DST: variants seen among roughly 807,000 people sequenced by gnomAD.
DST encodes bullous pemphigoid antigen.
In DST, 253 loss-of-function variants were observed where a neutral mutation model predicts 875.2. That is an observed-to-expected ratio of 0.29 (90% confidence interval 0.26 to 0.32). The LOEUF is 0.32. Ranked by LOEUF, DST falls within the 10% of genes least tolerant of loss-of-function variation. DST has a pLI of 1.00. For synonymous variants in DST, 3,124 were observed against 3,197.1 expected, an observed-to-expected ratio of 0.98 and a Z score of 0.77; for missense variants, 8,287 against 9,111.6, an observed-to-expected ratio of 0.91 and a Z score of 3.68.
At chr6:56,771,691 A>T (rs906162134) in intron 4 of DST, among the ~76,000 whole-genome samples, 1 of 152,194 alleles carries the variant, frequency 6.6e-6, no homozygotes, top group Non-Finnish European at 1.5e-5. Flanking sequence ...AGCAAAATCA[A>T]TCACAACTAC....
At chr6:56,720,813 T>C (rs761981710) in intron 5 of DST, among the ~76,000 whole-genome samples, 22 of 152,176 alleles carry the variant, frequency 1.4e-4, no homozygotes, top group Non-Finnish European at 3.2e-4. Context: ...TTCCCCCTTT[T>C]CTATTGGACA....
intron 4 of DST, among the ~76,000 whole-genome samples, chr6:56,775,695 G>A (rs373590294): frequency 2.0e-5 from 3 of 152,114 alleles, no homozygotes; most frequent in South Asian, 2.1e-4. Flanking sequence ...GGAGCATAGC[G>A]AAAGCACACA....
chr6:56,574,420 T>G (rs1252218840), intron 50 of DST, among the ~76,000 whole-genome samples: 6 of 152,188 alleles, frequency 3.9e-5, no homozygotes, highest in African/African-American at 1.2e-4. Context: ...TTTGTCATAC[T>G]TCACAACTTA....
chr6:56,489,689 A>T (rs1323500381), intron 85 of DST, 80 bp from the exon 86 acceptor site: 2 of 1,242,150 alleles, frequency 1.6e-6, no homozygotes, highest in Non-Finnish European at 2.2e-6. Context: ...TAAGACAGAG[A>T]TTAATAGTGA....
chr6:56,602,728 A>G, intron 43 of DST, 154 bp downstream of exon 43: 2 of 523,738 alleles, frequency 3.8e-6, no homozygotes, highest in Non-Finnish European at 6.1e-6. Flanking sequence ...TGATTATTTT[A>G]TAGTTGTGTC....
At chr6:56,766,720 G>A (rs1474383434) in intron 4 of DST, among the ~76,000 whole-genome samples, 13 of 151,976 alleles carry the variant, frequency 8.6e-5, no homozygotes, top group Non-Finnish European at 7.4e-5. Flanking sequence ...TAGTAGAGTC[G>A]GGGTTTCACC....
intron 3 of DST, among the ~76,000 whole-genome samples, chr6:56,872,941 A>C (rs1778044877): frequency 6.6e-6 from 1 of 150,558 alleles, no homozygotes; most frequent in Admixed American, 6.7e-5. Context: ...TGTTTTCCAC[A>C]ATGGCTGTAC....
intron 2 of DST, among the ~76,000 whole-genome samples, chr6:56,951,093 C>T (rs547654624): frequency 1.3e-5 from 2 of 152,218 alleles, no homozygotes; most frequent in South Asian, 2.1e-4. Context: ...GAAAAGGAAC[C>T]GGCTAAAACT....
intron 9 of DST, among the ~76,000 whole-genome samples, chr6:56,683,143 A>AG (rs1326643724): frequency 6.6e-6 from 1 of 152,198 alleles, no homozygotes; most frequent in African/African-American, 2.4e-5. Context: ...TGTAGGAAGA[A>AG]GGGGGTCTTA....
At chr6:56,904,666 C>T (rs1031953959) in intron 2 of DST, among the ~76,000 whole-genome samples, 4 of 152,066 alleles carry the variant, frequency 2.6e-5, no homozygotes, top group African/African-American at 9.7e-5. Flanking sequence ...TAAGGAATTA[C>T]AGCTCCTTGA....
chr6:56,592,241 A>G lies in DST; in HGVS notation c.12844T>C (p.Leu4282=). Residue 4282 remains leucine, a synonymous_variant, in exon 49 of 104, where the codon TTA becomes CTA. Transcript: ENST00000680361. ...GGGTCCACCGCAATAGGTTCAGATA[A>G]GTGTTTGCTCGCTGTGGCCTCACAG... is the stretch of plus-strand genomic sequence containing the variant. ...QACEATASKH[L]SEPIAVDPKN... The G allele has an allele frequency of 6.2e-7, 1 of 1,613,624 alleles. No homozygotes were observed. The highest frequency in any genetic ancestry group is 1.1e-5 in the South Asian group (1 of 90,954).
Position 56,466,139 on chromosome 6 carries a change from A to G in DST, c.22626T>C (p.Val7542=). 6.2e-7 allele frequency: 1 copy of G among 1,613,470 alleles called. No individual in the cohort carries two copies. The highest frequency in any genetic ancestry group is 8.5e-7 in the Non-Finnish European group (1 of 1,179,712). Residue 7542 remains valine (V), a synonymous_variant, in exon 99 of 104, where the codon GTT becomes GTC. Transcript: ENST00000680361. ...GTGCCATCCATCCACCTCCAACACG[A>G]ACCATCACAGTACTCCGCAGGATCC... The part of the protein sequence containing the change: ...LVRILRSTVM[V]RVGGGWMALD...
intron 36 of DST, chr6:56,619,334 T>C (rs1284907853): frequency 1.2e-6 from 2 of 1,613,436 alleles, no homozygotes; most frequent in East Asian, 4.5e-5. Flanking sequence ...CTCTGCACAC[T>C]CATTACTTTT....
At chr6:56,851,306 A>C in intron 4 of DST, 91 bp downstream of exon 4, 1 of 1,209,770 alleles carries the variant, frequency 8.3e-7, no homozygotes, top group South Asian at 1.4e-5. Flanking sequence ...TGCCCAGTGC[A>C]TCAGCTCCCG....
chr6:56,685,991 C>A (rs754637210), intron 9 of DST, among the ~76,000 whole-genome samples: 2 of 152,144 alleles, frequency 1.3e-5, no homozygotes, highest in Non-Finnish European at 2.9e-5. Context: ...CATCTGCACT[C>A]GTATGTTTAT....
chr6:56,796,885 C>T, intron 4 of DST, among the ~76,000 whole-genome samples: 1 of 152,078 alleles, frequency 6.6e-6, no homozygotes, highest in Non-Finnish European at 1.5e-5. Flanking sequence ...CAAATGTCTG[C>T]AGTTTGCATA....
At chr6:56,695,182 C>A (rs565862333) in intron 9 of DST, among the ~76,000 whole-genome samples, 6 of 149,924 alleles carry the variant, frequency 4.0e-5, no homozygotes, top group Admixed American at 6.6e-5. Context: ...GTACCTCCTA[C>A]CCCTCCTCCT....
intron 61 of DST, chr6:56,542,680 G>C (rs1443878022): frequency 6.5e-6 from 1 of 152,846 alleles, no homozygotes; most frequent in Non-Finnish European, 1.5e-5. Flanking sequence ...TGGCGGTGGA[G>C]GCAGCAGAAA....
Position 56,517,233 on chromosome 6 carries a change from T to C in DST, c.18322A>G (p.Thr6108Ala). ...DLVKSGHKIMTACSEEEKQSM... is the reference protein window; with the variant it reads ...DLVKSGHKIMAACSEEEKQSM... Reference sequence around the variant, plus strand: ...TGCTTTTCCTCTTCACTGCATGCGGTCATGATTTTATGCCCAGATTTAACA... The same window carrying C: ...TGCTTTTCCTCTTCACTGCATGCGGCCATGATTTTATGCCCAGATTTAACA... Residue 6108 changes from threonine to alanine, a missense_variant, in exon 71 of 104, where the codon ACC becomes GCC. Physicochemically the swap from Thr to Ala is moderately conservative, Grantham distance 58. Transcript: ENST00000680361. The C allele has an allele frequency of 6.2e-7, 1 of 1,613,298 alleles. No individual in the cohort carries two copies. The highest frequency in any genetic ancestry group is 1.7e-5 in the Admixed American group (1 of 60,008).
Sources: gnomAD v4.1 joint callset for allele counts (sites outside exome capture counted in the v4.1 genomes callset) on GRCh38, gnomAD v4.1.1 for gene constraint, MANE v1.5 for transcripts, NCBI Gene and HGNC (gene_info 2026-07-23, HGNC 2026-07-21) for gene names.